Variants in GUCY1A2 observed in about 807,000 individuals in gnomAD.
The protein encoded by GUCY1A2 is guanylate cyclase 1 soluble subunit alpha 2.
GUCY1A2 carries 27 observed loss-of-function variants against 63.5 expected under a neutral mutation model. The ratio of observed to expected loss-of-function variants is 0.43; its 90% CI spans 0.31 to 0.59. GUCY1A2 has a LOEUF of 0.59. GUCY1A2 is among the 20% of genes least tolerant of loss of function. GUCY1A2 has a pLI of 0.11. For missense variants in GUCY1A2, 768 were observed against 913.3 expected (o/e 0.84, Z 2.05); for synonymous variants, 364 against 343.5 (o/e 1.06, Z -0.66).
chr11:106,962,505 AG>A (rs950170056), intron 3 of GUCY1A2, among the ~76,000 whole-genome samples: 1 of 151,070 alleles, frequency 6.6e-6, no homozygotes, highest in African/African-American at 2.4e-5. Flanking sequence ...CAGTGAGCTG[AG>A]ATCATGCCAC....
intron 4 of GUCY1A2, among the ~76,000 whole-genome samples, chr11:106,850,062 T>C (rs982114798): frequency 1.3e-5 from 2 of 151,678 alleles, no homozygotes; most frequent in Admixed American, 1.3e-4. Context: ...CCTCCCTGCG[T>C]CAGTCATAGG....
chr11:107,005,537 G>T (rs1453386252), intron 1 of GUCY1A2, among the ~76,000 whole-genome samples: 1 of 152,166 alleles, frequency 6.6e-6, no homozygotes, highest in Non-Finnish European at 1.5e-5. Flanking sequence ...ACCTCCCAAA[G>T]TGCTGAGATT....
intron 5 of GUCY1A2, among the ~76,000 whole-genome samples, chr11:106,808,570 C>T (rs1432719393): frequency 6.6e-6 from 1 of 151,896 alleles, no homozygotes; most frequent in Non-Finnish European, 1.5e-5. Context: ...ATGTTTTTTC[C>T]AGAGAATAAT....
At chr11:106,863,822 T>A (rs1296446772) in intron 4 of GUCY1A2, among the ~76,000 whole-genome samples, 2 of 152,182 alleles carry the variant, frequency 1.3e-5, no homozygotes, top group Non-Finnish European at 2.9e-5. Context: ...AGCAGTGGTT[T>A]GTAGTTCTCC....
intron 6 of GUCY1A2, among the ~76,000 whole-genome samples, chr11:106,743,231 CT>C (rs1863729172): frequency 6.6e-6 from 1 of 152,146 alleles, no homozygotes; most frequent in South Asian, 2.1e-4. Context: ...TGTTCCCAAG[CT>C]TGTCCCTTCA....
chr11:106,865,651 G>A (rs375879186), intron 4 of GUCY1A2, among the ~76,000 whole-genome samples: 4 of 151,866 alleles, frequency 2.6e-5, no homozygotes, highest in East Asian at 1.9e-4. Context: ...GCCTGTCAGC[G>A]GGTGAGGGTG....
intron 3 of GUCY1A2, among the ~76,000 whole-genome samples, chr11:106,971,146 A>T (rs1861188937): frequency 6.6e-6 from 1 of 152,016 alleles, no homozygotes; most frequent in African/African-American, 2.4e-5. Context: ...TGGCAGTTAT[A>T]TGACATTATG....
At chr11:106,782,926 A>G (rs1437540616) in intron 5 of GUCY1A2, among the ~76,000 whole-genome samples, 2 of 152,210 alleles carry the variant, frequency 1.3e-5, no homozygotes, top group Non-Finnish European at 2.9e-5. Flanking sequence ...CTGTGTTGCC[A>G]GATACTCAGT....
intron 3 of GUCY1A2, among the ~76,000 whole-genome samples, chr11:106,965,411 A>G (rs1861114897): frequency 6.6e-6 from 1 of 152,242 alleles, no homozygotes; most frequent in Non-Finnish European, 1.5e-5. Flanking sequence ...ATACATATGT[A>G]TACATGTATG....
intron 6 of GUCY1A2, chr11:106,746,550 C>T: frequency 2.6e-6 from 4 of 1,561,962 alleles, no homozygotes; most frequent in Non-Finnish European, 3.5e-6. Context: ...AAGCTCATTA[C>T]CTTTTCAGTA....
intron 4 of GUCY1A2, among the ~76,000 whole-genome samples, chr11:106,862,492 C>CAAACA (rs11406839): frequency 6.6e-6 from 1 of 151,838 alleles, no homozygotes; most frequent in Admixed American, 6.6e-5. Flanking sequence ...AAAAAACAAA[C>CAAACA]AACAAACAAA....
At chr11:106,808,833 G>T (rs61905200) in intron 5 of GUCY1A2, among the ~76,000 whole-genome samples, 106 of 152,134 alleles carry the variant, frequency 7.0e-4, no homozygotes, top group Middle Eastern at 3.4e-3. Flanking sequence ...TATCTCTCCG[G>T]TTTAGAATCA....
intron 5 of GUCY1A2, among the ~76,000 whole-genome samples, chr11:106,781,342 T>A (rs1864460024): frequency 1.3e-5 from 2 of 152,176 alleles, no homozygotes; most frequent in African/African-American, 4.8e-5. Flanking sequence ...TATGCAAATG[T>A]CTGAAAAAAC....
intron 4 of GUCY1A2, among the ~76,000 whole-genome samples, chr11:106,881,191 C>A (rs913256503): frequency 1.8e-4 from 28 of 151,864 alleles, no homozygotes; most frequent in Admixed American, 1.7e-3. Context: ...GTTGGAAGTC[C>A]GTCCTATAAT....
At chr11:106,862,973 G>A (rs1859534069) in intron 4 of GUCY1A2, among the ~76,000 whole-genome samples, 1 of 152,072 alleles carries the variant, frequency 6.6e-6, no homozygotes, top group Admixed American at 6.6e-5. Flanking sequence ...TAGGGCATTT[G>A]TGAATCATCT....
intron 4 of GUCY1A2, among the ~76,000 whole-genome samples, chr11:106,875,871 T>C (rs1859741893): frequency 6.6e-6 from 1 of 152,092 alleles, no homozygotes; most frequent in Non-Finnish European, 1.5e-5. Context: ...CTTTCCATTC[T>C]GGTGCCAGAG....
At chr11:106,756,006 A>G (rs1863967288) in intron 6 of GUCY1A2, among the ~76,000 whole-genome samples, 1 of 152,222 alleles carries the variant, frequency 6.6e-6, no homozygotes, top group Non-Finnish European at 1.5e-5. Context: ...GTTTCTAAGG[A>G]CTTGCTTTAT....
At chr11:106,874,767 G>GA (rs944375906) in intron 4 of GUCY1A2, among the ~76,000 whole-genome samples, 37 of 147,250 alleles carry the variant, frequency 2.5e-4, no homozygotes, top group East Asian at 1.6e-3. Flanking sequence ...GCCACTAAAA[G>GA]AAAAAAAAAC....
At chr11:106,778,012 A>G (rs2135403578) in intron 5 of GUCY1A2, among the ~76,000 whole-genome samples, 1 of 152,280 alleles carries the variant, frequency 6.6e-6, no homozygotes, top group African/African-American at 2.4e-5. Flanking sequence ...AATATTTTAA[A>G]TATTTACCCC....
Sources: allele counts gnomAD v4.1 joint callset (sites outside exome capture counted in the v4.1 genomes callset), GRCh38; gene constraint gnomAD v4.1.1; transcripts MANE v1.5; gene names NCBI Gene and HGNC (gene_info 2026-07-23, HGNC 2026-07-21).